RSBN1: variants seen among roughly 807,000 people sequenced by gnomAD.
RSBN1 encodes lysine-specific demethylase 9.
A neutral mutation model predicts 74.8 loss-of-function variants in RSBN1; 23 were observed. The ratio of observed to expected loss-of-function variants is 0.31; its 90% confidence interval spans 0.22 to 0.44. The LOEUF (loss-of-function observed/expected upper bound fraction) is 0.44. Among genes scored for constraint, RSBN1 ranks in the 20% least tolerant of loss-of-function variants. RSBN1 has a pLI of 1.00. For missense variants in RSBN1, 808 were observed against 1,020.9 expected (o/e 0.79, Z 2.84); for synonymous variants, 407 against 379.6 (o/e 1.07, Z -0.84).
chr1:113,809,463 C>T (rs1256260315), intron 1 of RSBN1, among the ~76,000 whole-genome samples: 1 of 152,158 alleles, frequency 6.6e-6, no homozygotes, highest in African/African-American at 2.4e-5. Flanking sequence ...AAAAAGATAT[C>T]AGTCAAACTA....
At chr1:113,801,945 T>C (rs1294488024) in intron 1 of RSBN1, among the ~76,000 whole-genome samples, 1 of 152,082 alleles carries the variant, frequency 6.6e-6, no homozygotes, top group African/African-American at 2.4e-5. Context: ...AAAAAACAGC[T>C]TTCTATATTA....
chr1:113,804,655 T>TG (rs1344361724), intron 1 of RSBN1, among the ~76,000 whole-genome samples: 1 of 152,198 alleles, frequency 6.6e-6, no homozygotes, highest in Non-Finnish European at 1.5e-5. Flanking sequence ...AAAGTTTTCG[T>TG]GCCCTTAAAG....
At chr1:113,791,253 C>T (rs913472413) in intron 2 of RSBN1, among the ~76,000 whole-genome samples, 4 of 152,054 alleles carry the variant, frequency 2.6e-5, no homozygotes, top group Non-Finnish European at 5.9e-5. Context: ...AATAGTTTTG[C>T]ATAAAATTTA....
At chr1:113,787,364 A>G (rs535112368) in intron 2 of RSBN1, among the ~76,000 whole-genome samples, 1 of 152,372 alleles carries the variant, frequency 6.6e-6, no homozygotes, top group East Asian at 1.9e-4. Flanking sequence ...GATACAAGCT[A>G]TCAAAATGTT....
intron 6 of RSBN1, 39 bp from the exon 7 acceptor site, chr1:113,766,492 G>A (rs1449378085): frequency 1.5e-6 from 2 of 1,297,546 alleles, no homozygotes. Context: ...TTTAAAATAT[G>A]TAATAATTTA....
rs530054924 is a variant in RSBN1 at position 113,798,330 on chromosome 1, G to T, written c.704-294C>A. Among the ~76,000 whole-genome samples the T allele has an allele frequency of 1.6e-3, 237 of 152,200 alleles. 3 individuals carry two copies. The highest frequency in any genetic ancestry group is 3.3e-3 in the Admixed American group (51 of 15,284). On this transcript the variant is annotated intron_variant, in intron 1 of 6. Coordinates refer to ENST00000261441, the MANE Select transcript of RSBN1 (RefSeq NM_018364.5). ...AACAGAGAATGGTTAAATAAATCAT[G>T]ATATAGCAATGGTATGAAACATTAT...
At position 113,764,550 on chromosome 1, in the gene RSBN1, A is replaced by G. The variant is rs1383011942; in HGVS notation, c.*1430T>C. The G allele has an allele frequency of 6.6e-6, 1 of 152,214 alleles. No individual in the cohort carries two copies. Among genetic ancestry groups the G allele is most frequent in the Admixed American group, 6.6e-5 (1 of 15,212 alleles). The allele number at this position is 152,214 out of a possible 1,614,324, so 9.4% of individuals were successfully genotyped here. A position where few individuals can be genotyped will look rare whatever the true frequency, so the allele number is the denominator to read the frequency against. On this transcript the variant is annotated 3_prime_UTR_variant, in exon 7 of 7. Transcript: ENST00000261441. The stretch of plus-strand genomic sequence containing the variant: ...TCAGAATATTTTAGAGAAAATTCAT[A>G]TTTGATATTTCAAAAGATGCAGCTA...
At chr1:113,788,660 C>T (rs1250581008) in intron 2 of RSBN1, among the ~76,000 whole-genome samples, 3 of 151,838 alleles carry the variant, frequency 2.0e-5, no homozygotes, top group African/African-American at 7.3e-5. Flanking sequence ...GAAAAATGAC[C>T]CATCAATCAA....
chr1:113,792,172 A>G (rs190112718), intron 2 of RSBN1, among the ~76,000 whole-genome samples: 296 of 152,334 alleles, frequency 1.9e-3, no homozygotes, highest in African/African-American at 7.0e-3. Flanking sequence ...TACTTAAAAC[A>G]TGCAGATTTG....
intron 5 of RSBN1, among the ~76,000 whole-genome samples, chr1:113,767,529 T>C (rs983800146): frequency 9.9e-5 from 15 of 152,158 alleles, no homozygotes; most frequent in Non-Finnish European, 1.8e-4. Flanking sequence ...CAACAGAATA[T>C]AAAATGGTTT....
chr1:113,774,196 T>G (rs1041179155), intron 4 of RSBN1, among the ~76,000 whole-genome samples: 4 of 152,152 alleles, frequency 2.6e-5, no homozygotes, highest in African/African-American at 9.7e-5. Flanking sequence ...GATTTCCAGT[T>G]ACTAACGTGA....
chr1:113,806,852 A>G (rs1660708734), intron 1 of RSBN1, among the ~76,000 whole-genome samples: 1 of 151,088 alleles, frequency 6.6e-6, no homozygotes, highest in South Asian at 2.1e-4. Flanking sequence ...AAAAAAAAAA[A>G]AAAAAAAAAC....
chr1:113,794,061 C>T (rs558883429), intron 2 of RSBN1, among the ~76,000 whole-genome samples: 2 of 152,178 alleles, frequency 1.3e-5, no homozygotes, highest in Non-Finnish European at 2.9e-5. Context: ...CCACAGAAAC[C>T]GGCTTTTTCA....
Position 113,811,938 on chromosome 1 carries a change from C to T in RSBN1, c.475G>A (p.Ala159Thr). 6.3e-7 allele frequency: 1 copy of T among 1,597,346 alleles called. No individual in the cohort carries two copies. The change falls in exon 1 of 7, where the codon GCT becomes ACT. Residue 159 changes from alanine (A) to threonine (T), a missense_variant. Around this residue, in one of 6 missense-constraint regions of RSBN1, gnomAD observed 464 missense variants for 401.0 expected, o/e 1.16. Transcript: ENST00000261441. ...PSLAPAGPAV[A>T]APLPAPSTSA... ...GTGCTTGGGGCCGGGAGAGGGGCAG[C>T]GACAGCGGGCCCGGCGGGTGCCAGC...
intron 1 of RSBN1, among the ~76,000 whole-genome samples, chr1:113,806,800 A>G (rs941019784): frequency 6.8e-6 from 1 of 146,378 alleles, no homozygotes; most frequent in African/African-American, 2.5e-5. Flanking sequence ...CAGGAGTTTG[A>G]GACCAGCCTG....
chr1:113,789,729 GT>G (rs1660328758), intron 2 of RSBN1, among the ~76,000 whole-genome samples: 1 of 152,218 alleles, frequency 6.6e-6, no homozygotes, highest in Non-Finnish European at 1.5e-5. Context: ...CTTGCTTGTT[GT>G]GGGGGAGAAA....
chr1:113,811,575 G>A (rs1051451782), intron 1 of RSBN1, 135 bp downstream of exon 1: 4 of 1,354,726 alleles, frequency 3.0e-6, no homozygotes, highest in Middle Eastern at 1.9e-4. Context: ...GAAATCCAGG[G>A]TCCACCCCAG....
intron 2 of RSBN1, among the ~76,000 whole-genome samples, chr1:113,785,860 T>C (rs992194548): frequency 1.3e-5 from 2 of 152,080 alleles, no homozygotes; most frequent in African/African-American, 4.8e-5. Flanking sequence ...AAGATGAGAC[T>C]GGAAAAATCA....
At position 113,812,007 on chromosome 1, in the gene RSBN1, C is replaced by T. The variant is rs1223112540; in HGVS notation, c.406G>A (p.Gly136Ser). 6.5e-7 allele frequency: 1 copy of T among 1,548,798 alleles called. No individual in the cohort carries two copies. Among genetic ancestry groups the T allele is most frequent in the Non-Finnish European group, 8.7e-7 (1 of 1,147,208 alleles). The change falls in exon 1 of 7, where the codon GGC becomes AGC. Residue 136 changes from glycine (G) to serine (S), a missense_variant. Physicochemically the swap from Gly to Ser is moderately conservative, Grantham distance 56. Transcript: ENST00000261441. ...PPTNAAPTVPGPVEPLLLPPP... is the reference protein window; with the variant it reads ...PPTNAAPTVPSPVEPLLLPPP... ...GGCAGGAGAAGAGGCTCAACAGGGCCTGGGACAGTTGGGGCTGCATTCGTT... is the reference window on the plus strand; with the variant it reads ...GGCAGGAGAAGAGGCTCAACAGGGCTTGGGACAGTTGGGGCTGCATTCGTT...
Sources: allele counts gnomAD v4.1 joint callset (sites outside exome capture counted in the v4.1 genomes callset), GRCh38; gene constraint gnomAD v4.1.1; regional missense constraint gnomAD v4.1.1; transcripts MANE v1.5; gene names NCBI Gene and HGNC (gene_info 2026-07-23, HGNC 2026-07-21).